The following TLK1 variants were observed in gnomAD, a reference collection of about 807,000 sequenced individuals.
The protein encoded by TLK1 is tousled like kinase 1.
A neutral mutation model predicts 105.3 loss-of-function variants in TLK1; 24 were observed. The ratio of observed to expected loss-of-function variants is 0.23; its 90% CI spans 0.17 to 0.32. The LOEUF (loss-of-function observed/expected upper bound fraction) is 0.32. Ranked by LOEUF, TLK1 falls within the 10% of genes least tolerant of loss-of-function variation. TLK1 has a pLI of 1.00. For synonymous variants in TLK1, 321 were observed against 310.4 expected (o/e 1.03, Z -0.36); for missense variants, 558 against 910.5 (o/e 0.61, Z 4.98).
In TLK1 at chr2:170,997,836, TG is replaced by T. The variant is rs1168472639; in HGVS notation, c.1905-14del. On this transcript the variant is annotated splice_polypyrimidine_tract_variant and intron_variant, in intron 18 of 20. Transcript: ENST00000431350. ...AGGAGGTAAATACCTGTAAGTTTTG[TG>T]GGAGAGAAAAAAGGTTACTACTGAC... 6.5e-7 allele frequency: 1 copy of T among 1,534,374 alleles called. No individual in the cohort carries two copies. The highest frequency in any genetic ancestry group is 1.4e-5 in the African/African-American group (1 of 72,922).
chr2:171,216,303 T>C (rs574535639), intron 1 of TLK1, among the ~76,000 whole-genome samples: 85 of 152,124 alleles, frequency 5.6e-4, no homozygotes, highest in African/African-American at 9.6e-4. Flanking sequence ...GGTGAAACCC[T>C]GTCTCTACTA....
chr2:171,122,239 C>A (rs1303142812), intron 1 of TLK1, among the ~76,000 whole-genome samples: 2 of 152,172 alleles, frequency 1.3e-5, no homozygotes, highest in Non-Finnish European at 2.9e-5. Context: ...GCTGGGATTA[C>A]AGGCGTGAGC....
intron 11 of TLK1, among the ~76,000 whole-genome samples, chr2:171,036,386 C>T (rs1249254738): frequency 6.6e-6 from 1 of 152,032 alleles, no homozygotes; most frequent in Non-Finnish European, 1.5e-5. Flanking sequence ...GAGACTCTGT[C>T]TCCCCCCCCA....
intron 7 of TLK1, 147 bp downstream of exon 7, chr2:171,054,934 TTC>T (rs3836014): frequency 0.041 from 17,477 of 424,148 alleles, 1,762 homozygotes; most frequent in East Asian, 0.33. Context: ...TTCCTACAAA[TTC>T]TGTTGTTTTT....
At chr2:171,000,028 T>C (rs551613649) in intron 18 of TLK1, among the ~76,000 whole-genome samples, 7 of 152,186 alleles carry the variant, frequency 4.6e-5, no homozygotes, top group African/African-American at 1.7e-4. Context: ...GAGGCATGAG[T>C]GAGCCCCCAT....
chr2:171,052,254 G>A (rs1687276619), intron 8 of TLK1, among the ~76,000 whole-genome samples: 1 of 152,014 alleles, frequency 6.6e-6, no homozygotes, highest in South Asian at 2.1e-4. Context: ...GTGAGACCCT[G>A]TCACTTAGCG....
chr2:171,077,750 G>A (rs1421946289), intron 3 of TLK1, among the ~76,000 whole-genome samples: 1 of 152,028 alleles, frequency 6.6e-6, no homozygotes, highest in East Asian at 1.9e-4. Context: ...ACTATTTTAG[G>A]ATTTTAAACA....
intron 1 of TLK1, among the ~76,000 whole-genome samples, chr2:171,166,087 A>C (rs1214604260): frequency 2.6e-5 from 4 of 152,220 alleles, no homozygotes; most frequent in African/African-American, 9.7e-5. Flanking sequence ...CCATGGTGAG[A>C]GTAGTTATAA....
chr2:171,190,514 T>A (rs539673111), intron 1 of TLK1, among the ~76,000 whole-genome samples: 1 of 152,334 alleles, frequency 6.6e-6, no homozygotes, highest in East Asian at 1.9e-4. Flanking sequence ...TTTCCAAAGT[T>A]TGACAATAAT....
intron 11 of TLK1, among the ~76,000 whole-genome samples, chr2:171,041,679 G>A (rs1450079857): frequency 6.6e-6 from 1 of 151,994 alleles, no homozygotes; most frequent in Admixed American, 6.6e-5. Flanking sequence ...CCATCCCCCA[G>A]CCCCCACCCC....
At position 170,993,668 on chromosome 2, in the gene TLK1, T is replaced by TTAA. The variant is rs368477472; in HGVS notation, c.*111_*112insTTA. Reference sequence around the variant, plus strand: ...AAACAGTTCTTAACCACGTCTTGTGTAAAAAAAAAAAAAAAAAAAAAAGAA... The same window carrying TTAA: ...AAACAGTTCTTAACCACGTCTTGTGTTAAAAAAAAAAAAAAAAAAAAAAAAGAA... On this transcript the variant is annotated 3_prime_UTR_variant, in exon 21 of 21. Coordinates refer to ENST00000431350, the MANE Select transcript of TLK1 (RefSeq NM_012290.5). The TTAA allele has an allele frequency of 1.4e-5, 6 of 433,810 alleles. No homozygotes were observed. The highest frequency in any genetic ancestry group is 1.3e-4 in the East Asian group (2 of 15,494). 26.9% of individuals were successfully genotyped at this position (433,810 alleles called of 1,614,324 possible).
chr2:171,147,959 C>T (rs148017122), intron 1 of TLK1, among the ~76,000 whole-genome samples: 1 of 151,362 alleles, frequency 6.6e-6, no homozygotes, highest in Non-Finnish European at 1.5e-5. Context: ...GGTGCAATCT[C>T]GGCTCACTGC....
chr2:171,060,115 AT>A, intron 4 of TLK1: 2 of 1,427,874 alleles, frequency 1.4e-6, no homozygotes, highest in Non-Finnish European at 1.9e-6. Flanking sequence ...AGAAAAAACA[AT>A]TTAGGCAACC....
chr2:171,030,330 T>C (rs1411701753), intron 11 of TLK1, among the ~76,000 whole-genome samples: 4 of 152,162 alleles, frequency 2.6e-5, no homozygotes, highest in Admixed American at 1.3e-4. Context: ...AATTAACATG[T>C]TAAATTAAAC....
At chr2:171,139,509 G>C (rs1486997054) in intron 1 of TLK1, among the ~76,000 whole-genome samples, 2 of 152,010 alleles carry the variant, frequency 1.3e-5, no homozygotes, top group Admixed American at 6.6e-5. Flanking sequence ...CAGGAGAATC[G>C]CTTGAATCTG....
At chr2:171,227,872 T>G (rs1693931040) in intron 1 of TLK1, among the ~76,000 whole-genome samples, 1 of 152,050 alleles carries the variant, frequency 6.6e-6, no homozygotes, top group South Asian at 2.1e-4. Context: ...CTCTTGTTAG[T>G]ATAGTTAAAA....
intron 12 of TLK1, among the ~76,000 whole-genome samples, chr2:171,015,388 C>T (rs940290018): frequency 6.7e-6 from 1 of 149,302 alleles, no homozygotes; most frequent in Non-Finnish European, 1.5e-5. Context: ...AATGATTCTT[C>T]CTACGCCTTA....
intron 1 of TLK1, among the ~76,000 whole-genome samples, chr2:171,217,872 T>G (rs1693742425): frequency 6.6e-6 from 1 of 152,238 alleles, no homozygotes; most frequent in Admixed American, 6.5e-5. Flanking sequence ...TATTTAAAGT[T>G]GTATGAACAT....
chr2:171,118,456 T>C (rs532398852), intron 1 of TLK1, among the ~76,000 whole-genome samples: 1 of 152,296 alleles, frequency 6.6e-6, no homozygotes, highest in South Asian at 2.1e-4. Flanking sequence ...ATCCTTAAGA[T>C]TTTTTGTACG....
Sources: allele counts gnomAD v4.1 joint callset (sites outside exome capture counted in the v4.1 genomes callset), GRCh38; gene constraint gnomAD v4.1.1; transcripts MANE v1.5; gene names NCBI Gene and HGNC (gene_info 2026-07-23, HGNC 2026-07-21).